The following DGKB variants were observed in gnomAD, a reference collection of about 807,000 sequenced individuals.
The protein encoded by DGKB is diacylglycerol kinase beta.
Under a neutral mutation model 114.3 loss-of-function variants are expected in DGKB, and 67 were observed. That is an observed-to-expected ratio of 0.59 (90% CI 0.48 to 0.72). The LOEUF is 0.72. Ranked by LOEUF, DGKB falls within the 30% of genes least tolerant of loss-of-function variation. The pLI is 0.00. For synonymous variants in DGKB, 398 were observed against 323.1 expected, an observed-to-expected ratio of 1.23 and a Z score of -2.49; for missense variants, 907 against 975.2, an observed-to-expected ratio of 0.93 and a Z score of 0.93.
At chr7:14,542,747 C>CT (rs1433413029) in intron 20 of DGKB, among the ~76,000 whole-genome samples, 47 of 152,188 alleles carry the variant, frequency 3.1e-4, no homozygotes, top group Non-Finnish European at 1.0e-4. Flanking sequence ...AACCATGTGT[C>CT]TCCTGTCCCG....
chr7:14,942,241 C>T (rs192273160), intron 1 of DGKB, among the ~76,000 whole-genome samples: 155 of 151,870 alleles, frequency 1.0e-3, no homozygotes, highest in Middle Eastern at 3.4e-3. Context: ...TAATTTACCA[C>T]TGGAAATGAA....
chr7:14,701,636 G>T (rs73272155), intron 7 of DGKB, 45 bp downstream of exon 7: 2 of 1,403,814 alleles, frequency 1.4e-6, no homozygotes, highest in Admixed American at 3.4e-5. Context: ...TTCTTCAGAA[G>T]AAAATCTTTG....
At chr7:14,352,933 CA>C (rs562846207) in intron 21 of DGKB, among the ~76,000 whole-genome samples, 39 of 139,026 alleles carry the variant, frequency 2.8e-4, no homozygotes, top group Middle Eastern at 3.9e-3. Flanking sequence ...CAAAAACAAA[CA>C]AAAAAAACCA....
intron 12 of DGKB, among the ~76,000 whole-genome samples, chr7:14,675,897 A>G (rs1819770567): frequency 1.3e-5 from 2 of 152,048 alleles, no homozygotes; most frequent in Non-Finnish European, 2.9e-5. Context: ...GAGTGTTAAA[A>G]CTGAGGGCAT....
At chr7:14,650,899 G>A (rs1814311815) in intron 13 of DGKB, among the ~76,000 whole-genome samples, 1 of 151,990 alleles carries the variant, frequency 6.6e-6, no homozygotes, top group African/African-American at 2.4e-5. Flanking sequence ...AAATCTAGAA[G>A]AAATGGATAA....
chr7:14,718,838 C>A (rs914933604), intron 5 of DGKB, 153 bp from the exon 6 acceptor site: 4 of 593,228 alleles, frequency 6.7e-6, no homozygotes, highest in Non-Finnish European at 1.2e-5. Flanking sequence ...GGTACAGCAG[C>A]TAGACATAGC....
intron 23 of DGKB, among the ~76,000 whole-genome samples, chr7:14,325,441 T>C (rs1306618205): frequency 6.6e-6 from 1 of 152,022 alleles, no homozygotes; most frequent in Admixed American, 6.6e-5. Flanking sequence ...AAGCAACAAA[T>C]GAGTAGACAA....
At chr7:14,753,864 T>C in intron 4 of DGKB, 64 bp downstream of exon 4, 1 of 1,023,286 alleles carries the variant, frequency 9.8e-7, no homozygotes. Flanking sequence ...GGATGAGAAA[T>C]TCATAGATCA....
At chr7:14,758,928 G>GATAAC (rs57342193) in intron 2 of DGKB, among the ~76,000 whole-genome samples, 1,732 of 146,954 alleles carry the variant, frequency 0.012, 34 homozygotes, top group African/African-American at 0.041. Flanking sequence ...TAGATAGATA[G>GATAAC]ATAGATACAT....
At chr7:14,459,129 G>A (rs376313297) in intron 21 of DGKB, among the ~76,000 whole-genome samples, 14 of 152,218 alleles carry the variant, frequency 9.2e-5, no homozygotes, top group Admixed American at 5.2e-4. Flanking sequence ...TGGCAAAGCC[G>A]CTGTAGCCAG....
At chr7:14,938,800 C>T (rs536953621) in intron 1 of DGKB, among the ~76,000 whole-genome samples, 1 of 152,184 alleles carries the variant, frequency 6.6e-6, no homozygotes, top group Non-Finnish European at 1.5e-5. Flanking sequence ...TTCTTCCTTT[C>T]AAAAAATTAT....
chr7:14,187,502 A>G (rs1034320039), intron 23 of DGKB, among the ~76,000 whole-genome samples: 4 of 152,206 alleles, frequency 2.6e-5, no homozygotes, highest in African/African-American at 9.7e-5. Flanking sequence ...ATTGCCACAG[A>G]GTCCAACAAC....
intron 23 of DGKB, among the ~76,000 whole-genome samples, chr7:14,317,384 C>T (rs1273072336): frequency 8.4e-5 from 12 of 142,594 alleles, no homozygotes; most frequent in Admixed American, 7.0e-4. Context: ...ATCTAGAAAA[C>T]CCCACTGTCT....
chr7:14,432,672 C>T (rs1828645836), intron 21 of DGKB, among the ~76,000 whole-genome samples: 1 of 152,146 alleles, frequency 6.6e-6, no homozygotes, highest in African/African-American at 2.4e-5. Context: ...ATCCATCAAC[C>T]ATAATCCCAA....
chr7:14,402,778 C>T (rs893712408), intron 21 of DGKB, among the ~76,000 whole-genome samples: 2 of 151,824 alleles, frequency 1.3e-5, no homozygotes, highest in Non-Finnish European at 1.5e-5. Flanking sequence ...ACATGTAAAT[C>T]AGTAGATTTT....
At chr7:14,271,543 T>G (rs1798267237) in intron 23 of DGKB, among the ~76,000 whole-genome samples, 1 of 152,110 alleles carries the variant, frequency 6.6e-6, no homozygotes, top group African/African-American at 2.4e-5. Context: ...CATTACTAAT[T>G]TATCAGGGGC....
chr7:14,535,378 GA>G (rs111762380), intron 20 of DGKB, among the ~76,000 whole-genome samples: 16,219 of 123,382 alleles, frequency 0.13, 1,307 homozygotes, highest in East Asian at 0.41. Flanking sequence ...CTTAAAAAAA[GA>G]AAAAAAAAAA....
intron 21 of DGKB, among the ~76,000 whole-genome samples, chr7:14,476,548 T>C (rs1342558789): frequency 1.3e-5 from 2 of 152,138 alleles, no homozygotes; most frequent in East Asian, 1.9e-4. Flanking sequence ...ACCAGAGTTA[T>C]AAAATTTGTG....
chr7:14,455,361 C>T (rs1219352923), intron 21 of DGKB, among the ~76,000 whole-genome samples: 2 of 151,948 alleles, frequency 1.3e-5, no homozygotes, highest in African/African-American at 4.8e-5. Flanking sequence ...AATGCTCCCT[C>T]AAAGAAATAA....
Sources: allele counts gnomAD v4.1 joint callset (sites outside exome capture counted in the v4.1 genomes callset), GRCh38; gene constraint gnomAD v4.1.1; transcripts MANE v1.5; gene names NCBI Gene and HGNC (gene_info 2026-07-23, HGNC 2026-07-21).